Variants in GBP7 observed in about 807,000 individuals in gnomAD.
GBP7 encodes the protein guanylate binding protein 7.
A neutral mutation model predicts 61.3 loss-of-function variants in GBP7; 43 were observed. That is an observed-to-expected ratio of 0.70 (90% CI 0.55 to 0.91). GBP7 has a LOEUF of 0.91. Among genes scored for constraint, GBP7 ranks in the 40% least tolerant of loss-of-function variants. GBP7 has a pLI of 0.00. For synonymous variants in GBP7, 267 were observed against 271.0 expected (o/e 0.99, Z 0.14); for missense variants, 717 against 740.5 (o/e 0.97, Z 0.37).
chr1:89,165,948 C>T (rs1368814870), intron 2 of GBP7, among the ~76,000 whole-genome samples: 1 of 152,112 alleles, frequency 6.6e-6, no homozygotes, highest in Non-Finnish European at 1.5e-5. Context: ...GTTCCTTCTG[C>T]CCGTTCTGCC....
intron 3 of GBP7, among the ~76,000 whole-genome samples, chr1:89,159,798 C>T (rs775624254): frequency 4.6e-5 from 7 of 152,108 alleles, no homozygotes; most frequent in Admixed American, 1.3e-4. Context: ...TGGAAGACGG[C>T]GTGGTGATTC....
chr1:89,171,676 T>A, intron 2 of GBP7, 70 bp downstream of exon 2: 1 of 1,376,874 alleles, frequency 7.3e-7, no homozygotes, highest in Non-Finnish European at 1.0e-6. Flanking sequence ...TCTCATCCCA[T>A]CTTCATACTA....
intron 5 of GBP7, among the ~76,000 whole-genome samples, chr1:89,151,910 T>C (rs1227633294): frequency 1.3e-5 from 2 of 152,186 alleles, no homozygotes; most frequent in Non-Finnish European, 2.9e-5. Flanking sequence ...ATTAGTTAAT[T>C]TTCTCCAAAT....
intron 3 of GBP7, among the ~76,000 whole-genome samples, chr1:89,154,929 C>T (rs1050854341): frequency 6.6e-6 from 1 of 152,156 alleles, no homozygotes; most frequent in Non-Finnish European, 1.5e-5. Context: ...CCCCGAGTAG[C>T]CTAACTGGGA....
rs189588515 is a variant in GBP7, at chr1:89,154,578, C to T, written c.319-1801G>A. The stretch of plus-strand genomic sequence containing the variant: ...GCCAGGCTGGTCTTGAACTCCTGAC[C>T]TCAGGTGATCCACCCACCTTGGCCT... On this transcript the variant is annotated intron_variant, in intron 3 of 10. Transcript: ENST00000294671. Among the ~76,000 whole-genome samples, 734 of 151,736 alleles carry T rather than the reference C, an allele frequency of 4.8e-3. 4 individuals carry two copies. Among genetic ancestry groups the T allele is most frequent in the African/African-American group, 0.016 (679 of 41,388 alleles).
chr1:89,155,076 C>A (rs1682283170), intron 3 of GBP7, among the ~76,000 whole-genome samples: 1 of 152,180 alleles, frequency 6.6e-6, no homozygotes, highest in African/African-American at 2.4e-5. Flanking sequence ...ACTGGTGATA[C>A]CCAGGCAAAC....
chr1:89,175,023 G>T (rs1281456020), intron 1 of GBP7, among the ~76,000 whole-genome samples: 1 of 152,140 alleles, frequency 6.6e-6, no homozygotes, highest in South Asian at 2.1e-4. Context: ...AAAGTTAAAA[G>T]GAGTGAAAAG....
chr1:89,147,166 C>G (rs887004274), intron 8 of GBP7, among the ~76,000 whole-genome samples: 2 of 152,150 alleles, frequency 1.3e-5, no homozygotes, highest in African/African-American at 4.8e-5. Flanking sequence ...ATCATTATCA[C>G]CCCTATCAAT....
chr1:89,166,605 C>T (rs538111826), intron 2 of GBP7, among the ~76,000 whole-genome samples: 33 of 152,262 alleles, frequency 2.2e-4, no homozygotes, highest in Admixed American at 1.4e-3. Flanking sequence ...ATTTTAAAGG[C>T]GGAAAGTGTG....
chr1:89,165,761 C>T (rs1294430513), intron 2 of GBP7, among the ~76,000 whole-genome samples: 1 of 151,588 alleles, frequency 6.6e-6, no homozygotes, highest in Non-Finnish European at 1.5e-5. Flanking sequence ...CACAACAGGG[C>T]CTGTTGGGGG....
chr1:89,138,809 C>G (rs1681870456), intron 9 of GBP7, among the ~76,000 whole-genome samples: 1 of 152,024 alleles, frequency 6.6e-6, no homozygotes, highest in Non-Finnish European at 1.5e-5. Flanking sequence ...GCCACTGCAA[C>G]CGAACAAAAA....
chr1:89,155,612 T>G (rs1452317091), intron 3 of GBP7, among the ~76,000 whole-genome samples: 2 of 151,938 alleles, frequency 1.3e-5, no homozygotes, highest in African/African-American at 4.8e-5. Flanking sequence ...TAACAGTGAT[T>G]GAAGATCAAA....
At chr1:89,135,610 G>GA (rs554518186) in intron 9 of GBP7, among the ~76,000 whole-genome samples, 107 of 148,718 alleles carry the variant, frequency 7.2e-4, no homozygotes, top group Non-Finnish European at 1.0e-3. Context: ...AGGTTCATAA[G>GA]AAAAAAAAAA....
chr1:89,174,653 CTG>C (rs1647693026), intron 1 of GBP7, among the ~76,000 whole-genome samples: 1 of 152,208 alleles, frequency 6.6e-6, no homozygotes, highest in Non-Finnish European at 1.5e-5. Context: ...TCTGGTCAGA[CTG>C]TGGGACTCAG....
chr1:89,167,170 C>T (rs1238563461), intron 2 of GBP7, among the ~76,000 whole-genome samples: 1 of 151,974 alleles, frequency 6.6e-6, no homozygotes, highest in Non-Finnish European at 1.5e-5. Context: ...TTGGAATGAT[C>T]ATCAGCCCCT....
chr1:89,165,694 C>T (rs1647406404), intron 2 of GBP7, among the ~76,000 whole-genome samples: 1 of 151,552 alleles, frequency 6.6e-6, no homozygotes, highest in Admixed American at 6.6e-5. Context: ...CACATGTTCT[C>T]ACTCCTAAGT....
intron 1 of GBP7, among the ~76,000 whole-genome samples, chr1:89,175,296 C>T (rs143183778): frequency 5.0e-4 from 76 of 152,154 alleles, no homozygotes; most frequent in African/African-American, 1.6e-3. Context: ...GAAAAAAAGC[C>T]GTTTATTTTT....
At chr1:89,136,713 C>T (rs1681810222) in intron 9 of GBP7, among the ~76,000 whole-genome samples, 1 of 152,002 alleles carries the variant, frequency 6.6e-6, no homozygotes, top group South Asian at 2.1e-4. Flanking sequence ...TTAGAAATAT[C>T]TCAAATTAAC....
chr1:89,146,647 C>T (rs1231044888), intron 8 of GBP7, among the ~76,000 whole-genome samples: 1 of 151,968 alleles, frequency 6.6e-6, no homozygotes, highest in Non-Finnish European at 1.5e-5. Context: ...AACAGACATC[C>T]CTCAAAAGAA....
Sources: gnomAD v4.1 joint callset for allele counts (sites outside exome capture counted in the v4.1 genomes callset) on GRCh38, gnomAD v4.1.1 for gene constraint, MANE v1.5 for transcripts, NCBI Gene and HGNC (gene_info 2026-07-23, HGNC 2026-07-21) for gene names.